The following MGAT4C variants were observed in gnomAD, a reference collection of about 807,000 sequenced individuals.
MGAT4C encodes the protein MGAT4 family member C.
A neutral mutation model predicts 40.1 loss-of-function variants in MGAT4C; 19 were observed. The ratio of observed to expected loss-of-function variants is 0.47; its 90% CI spans 0.33 to 0.70. The LOEUF is 0.70. Among genes scored for constraint, MGAT4C ranks in the 30% least tolerant of loss-of-function variants. The pLI, the probability that MGAT4C is intolerant of heterozygous loss-of-function variation, is 0.02. For missense variants in MGAT4C, 491 were observed against 563.2 expected, an observed-to-expected ratio of 0.87 and a Z score of 1.30; for synonymous variants, 181 against 187.1, an observed-to-expected ratio of 0.97 and a Z score of 0.27.
At chr12:86,667,578 G>A (rs531805844) in intron 2 of MGAT4C, among the ~76,000 whole-genome samples, 8 of 152,078 alleles carry the variant, frequency 5.3e-5, no homozygotes, top group South Asian at 2.1e-4. Flanking sequence ...GGCAAAAACC[G>A]CATTTACTTT....
chr12:86,210,238 C>T (rs994135703), intron 1 of MGAT4C, among the ~76,000 whole-genome samples: 21 of 152,058 alleles, frequency 1.4e-4, no homozygotes, highest in Admixed American at 2.6e-4. Flanking sequence ...TTAATCACTA[C>T]TTTAATTATA....
chr12:86,567,141 T>C (rs1183483710), intron 2 of MGAT4C, among the ~76,000 whole-genome samples: 2 of 152,130 alleles, frequency 1.3e-5, no homozygotes, highest in African/African-American at 4.8e-5. Context: ...ATCCAATATA[T>C]GGTACTGTTT....
At chr12:86,111,218 T>A (rs1001200444) in intron 1 of MGAT4C, among the ~76,000 whole-genome samples, 2 of 151,762 alleles carry the variant, frequency 1.3e-5, no homozygotes, top group African/African-American at 4.8e-5. Context: ...TATAAATGCA[T>A]CAGTAAACTA....
chr12:86,188,590 G>A (rs75295861), intron 1 of MGAT4C, among the ~76,000 whole-genome samples: 12,653 of 151,988 alleles, frequency 0.083, 626 homozygotes, highest in Middle Eastern at 0.22. Context: ...AAAGAAATAA[G>A]AAATTATGTA....
intron 2 of MGAT4C, among the ~76,000 whole-genome samples, chr12:86,641,203 G>C (rs1232114719): frequency 2.6e-5 from 4 of 151,812 alleles, no homozygotes; most frequent in African/African-American, 4.8e-5. Flanking sequence ...AAAATGATGA[G>C]TTCATGTCCT....
chr12:86,836,917 A>G (rs1326701724), intron 1 of MGAT4C, among the ~76,000 whole-genome samples: 1 of 151,982 alleles, frequency 6.6e-6, no homozygotes, highest in Non-Finnish European at 1.5e-5. Flanking sequence ...CCTTTAGCAC[A>G]TTGTTTGAGA....
chr12:86,836,084 A>T (rs2136241074), intron 1 of MGAT4C, among the ~76,000 whole-genome samples: 1 of 152,206 alleles, frequency 6.6e-6, no homozygotes, highest in Non-Finnish European at 1.5e-5. Context: ...ATAATGAGAC[A>T]GAGGTGTATA....
At chr12:86,295,972 CAG>C (rs1953661633) in intron 4 of MGAT4C, among the ~76,000 whole-genome samples, 1 of 145,784 alleles carries the variant, frequency 6.9e-6, no homozygotes, top group African/African-American at 2.6e-5. Flanking sequence ...CAGCTAGATA[CAG>C]AGTGTCAATT....
chr12:86,507,537 T>A (rs1958491850), intron 2 of MGAT4C, among the ~76,000 whole-genome samples: 1 of 152,200 alleles, frequency 6.6e-6, no homozygotes, highest in Non-Finnish European at 1.5e-5. Context: ...GTGAAGAATA[T>A]GCTTTCCTTG....
intron 3 of MGAT4C, among the ~76,000 whole-genome samples, chr12:86,337,048 T>G (rs1197707736): frequency 6.6e-6 from 1 of 151,994 alleles, no homozygotes; most frequent in Non-Finnish European, 1.5e-5. Context: ...GTACATGAAG[T>G]TTTATGTGGA....
chr12:86,429,834 G>A (rs1177004174), intron 3 of MGAT4C, among the ~76,000 whole-genome samples: 1 of 152,106 alleles, frequency 6.6e-6, no homozygotes, highest in African/African-American at 2.4e-5. Flanking sequence ...GACAAGAAAA[G>A]TTTTTAACCA....
At chr12:86,200,135 T>TTG (rs1343449460) in intron 1 of MGAT4C, among the ~76,000 whole-genome samples, 1 of 89,254 alleles carries the variant, frequency 1.1e-5, no homozygotes, top group Non-Finnish European at 2.9e-5. Context: ...TTGTTTTTTT[T>TTG]TTTTTTTTTT....
chr12:86,347,544 T>C (rs914514149), intron 3 of MGAT4C, among the ~76,000 whole-genome samples: 5 of 152,200 alleles, frequency 3.3e-5, no homozygotes, highest in Non-Finnish European at 5.9e-5. Context: ...GAGTATACAT[T>C]GTCAATTACT....
intron 2 of MGAT4C, among the ~76,000 whole-genome samples, chr12:85,998,226 C>G (rs1886865462): frequency 6.6e-6 from 1 of 152,170 alleles, no homozygotes; most frequent in African/African-American, 2.4e-5. Context: ...CACCTAGTCC[C>G]TAGGCTGCAC....
chr12:86,720,905 T>C (rs1219513894), intron 2 of MGAT4C, among the ~76,000 whole-genome samples: 5 of 152,132 alleles, frequency 3.3e-5, no homozygotes, highest in Non-Finnish European at 7.3e-5. Context: ...TAATAAACCA[T>C]AATATTTAAG....
intron 2 of MGAT4C, among the ~76,000 whole-genome samples, chr12:86,516,987 CAAT>C (rs1224756232): frequency 6.6e-6 from 1 of 152,050 alleles, no homozygotes; most frequent in African/African-American, 2.4e-5. Context: ...AATCAAACCA[CAAT>C]GAGATACCAT....
At chr12:86,571,097 G>C (rs1224901941) in intron 2 of MGAT4C, among the ~76,000 whole-genome samples, 3 of 152,112 alleles carry the variant, frequency 2.0e-5, no homozygotes, top group Non-Finnish European at 4.4e-5. Context: ...TTACAGGAGT[G>C]AGCTACCGGT....
intron 1 of MGAT4C, among the ~76,000 whole-genome samples, chr12:86,174,277 A>G (rs1382394687): frequency 1.3e-5 from 2 of 151,744 alleles, no homozygotes; most frequent in African/African-American, 2.4e-5. Flanking sequence ...TCTTTTTCCT[A>G]TTTTTTTGCA....
chr12:86,389,276 A>G (rs1956120745), intron 3 of MGAT4C, among the ~76,000 whole-genome samples: 1 of 152,106 alleles, frequency 6.6e-6, no homozygotes, highest in African/African-American at 2.4e-5. Context: ...GCTCACACTT[A>G]TAAGTGAGAA....
Sources: gnomAD v4.1 joint callset for allele counts (sites outside exome capture counted in the v4.1 genomes callset) on GRCh38, gnomAD v4.1.1 for gene constraint, MANE v1.5 for transcripts, NCBI Gene and HGNC (gene_info 2026-07-23, HGNC 2026-07-21) for gene names.